CPED1: variants seen among roughly 807,000 people sequenced by gnomAD.
CPED1 encodes cadherin like and PC-esterase domain containing 1.
A neutral mutation model predicts 128.2 loss-of-function variants in CPED1; 114 were observed. That is an observed-to-expected ratio of 0.89 (90% CI 0.76 to 1.04). The LOEUF (loss-of-function observed/expected upper bound fraction) is 1.04, where lower values mean the gene tolerates loss of function less well. Ranked by LOEUF, CPED1 falls within the 50% of genes least tolerant of loss-of-function variation. The pLI is 0.00. For synonymous variants in CPED1, 462 were observed against 426.7 expected (o/e 1.08, Z -1.02); for missense variants, 1,211 against 1,207.1 (o/e 1.00, Z -0.05).
intron 3 of CPED1, among the ~76,000 whole-genome samples, chr7:121,037,464 T>C (rs1792925001): frequency 6.6e-6 from 1 of 152,192 alleles, no homozygotes; most frequent in African/African-American, 2.4e-5. Flanking sequence ...TTTGGGGTTA[T>C]TTCTGGGTTC....
intron 16 of CPED1, among the ~76,000 whole-genome samples, chr7:121,205,133 TATA>T (rs1202362796): frequency 6.6e-6 from 1 of 152,112 alleles, no homozygotes; most frequent in Non-Finnish European, 1.5e-5. Context: ...GTATAGTAAT[TATA>T]ATTTTTATTG....
At chr7:121,234,828 T>A (rs1798218085) in intron 16 of CPED1, among the ~76,000 whole-genome samples, 4 of 152,272 alleles carry the variant, frequency 2.6e-5, no homozygotes, top group African/African-American at 9.6e-5. Flanking sequence ...CGTGTGTATT[T>A]CAGATAGCAT....
At chr7:121,212,614 T>C (rs1463149730) in intron 16 of CPED1, among the ~76,000 whole-genome samples, 1 of 152,058 alleles carries the variant, frequency 6.6e-6, no homozygotes, top group Non-Finnish European at 1.5e-5. Context: ...ATATCTGTTT[T>C]CTCTTCTAGA....
At chr7:121,035,759 G>A (rs1405078546) in intron 3 of CPED1, among the ~76,000 whole-genome samples, 1 of 152,106 alleles carries the variant, frequency 6.6e-6, no homozygotes, top group Non-Finnish European at 1.5e-5. Flanking sequence ...CTTGAGTCCA[G>A]GAGGTCAAAG....
At chr7:121,289,952 T>G (rs1203663390) in intron 22 of CPED1, among the ~76,000 whole-genome samples, 1 of 152,132 alleles carries the variant, frequency 6.6e-6, no homozygotes, top group African/African-American at 2.4e-5. Context: ...GCTATTCCTC[T>G]CCTTTCCCCC....
intron 13 of CPED1, among the ~76,000 whole-genome samples, chr7:121,135,675 AAT>A (rs1795768275): frequency 1.3e-5 from 2 of 152,122 alleles, no homozygotes; most frequent in South Asian, 4.1e-4. Context: ...TTGAATTAAA[AAT>A]ATAGAGTAAA....
chr7:121,041,106 TA>T (rs1277574257), intron 3 of CPED1, among the ~76,000 whole-genome samples: 1 of 152,116 alleles, frequency 6.6e-6, no homozygotes, highest in Non-Finnish European at 1.5e-5. Flanking sequence ...ATTTCCTCTT[TA>T]AAAAACTAAT....
chr7:121,181,978 C>A (rs957444453), intron 16 of CPED1, among the ~76,000 whole-genome samples: 1 of 152,140 alleles, frequency 6.6e-6, no homozygotes, highest in East Asian at 1.9e-4. Context: ...TTAAAAGTCA[C>A]GTTTATTCCA....
intron 18 of CPED1, among the ~76,000 whole-genome samples, chr7:121,250,803 A>C (rs1334773167): frequency 6.6e-5 from 10 of 151,926 alleles, no homozygotes; most frequent in Admixed American, 5.3e-4. Context: ...CAATAACAGG[A>C]TCTGAAATTG....
At chr7:121,003,279 C>G (rs1487342405) in intron 2 of CPED1, among the ~76,000 whole-genome samples, 1 of 152,142 alleles carries the variant, frequency 6.6e-6, no homozygotes, top group African/African-American at 2.4e-5. Context: ...ATGATTTCCA[C>G]TTTAGACCTG....
intron 7 of CPED1, among the ~76,000 whole-genome samples, chr7:121,104,290 T>C (rs1477372443): frequency 6.6e-6 from 1 of 152,176 alleles, no homozygotes; most frequent in African/African-American, 2.4e-5. Context: ...CGAGTAAAAT[T>C]CTTTCACAAA....
chr7:121,014,644 G>A (rs111902791), intron 2 of CPED1, among the ~76,000 whole-genome samples: 2 of 151,850 alleles, frequency 1.3e-5, no homozygotes, highest in African/African-American at 4.8e-5. Flanking sequence ...TTTAAGTGCT[G>A]AAAATCATGG....
At chr7:121,109,753 T>A (rs1795060942) in intron 7 of CPED1, among the ~76,000 whole-genome samples, 1 of 152,196 alleles carries the variant, frequency 6.6e-6, no homozygotes, top group Non-Finnish European at 1.5e-5. Context: ...TTACTCAGAT[T>A]ATCTACATGA....
chr7:121,172,187 A>G (rs1194803085), intron 16 of CPED1, among the ~76,000 whole-genome samples: 2 of 152,138 alleles, frequency 1.3e-5, no homozygotes, highest in African/African-American at 4.8e-5. Flanking sequence ...ACCCCGGGAA[A>G]GGTTGTGCTG....
intron 16 of CPED1, among the ~76,000 whole-genome samples, chr7:121,212,672 A>G (rs958110064): frequency 1.4e-5 from 2 of 138,426 alleles, no homozygotes; most frequent in Non-Finnish European, 1.6e-5. Context: ...ATGTTAAACA[A>G]ATGTCTGTTA....
At chr7:121,157,907 G>C (rs1796327167) in intron 16 of CPED1, among the ~76,000 whole-genome samples, 1 of 152,048 alleles carries the variant, frequency 6.6e-6, no homozygotes, top group South Asian at 2.1e-4. Flanking sequence ...TTCTTCTTTA[G>C]AATATTCTTT....
intron 11 of CPED1, 80 bp downstream of exon 11, chr7:121,128,566 C>A: frequency 1.4e-6 from 1 of 727,988 alleles, no homozygotes; most frequent in South Asian, 1.6e-5. Flanking sequence ...ATTTTGACAT[C>A]AAACTAGATT....
chr7:121,089,616 T>C (rs951179618), intron 5 of CPED1, among the ~76,000 whole-genome samples: 70 of 152,198 alleles, frequency 4.6e-4, no homozygotes, highest in African/African-American at 1.6e-3. Context: ...TATTCTGACT[T>C]AAATTATTTC....
At chr7:121,053,175 C>T (rs534160090) in intron 4 of CPED1, among the ~76,000 whole-genome samples, 10 of 152,224 alleles carry the variant, frequency 6.6e-5, no homozygotes, top group South Asian at 4.2e-4. Flanking sequence ...TGGATACGAA[C>T]GGTTAACTCA....
Sources: allele counts gnomAD v4.1 joint callset (sites outside exome capture counted in the v4.1 genomes callset), GRCh38; gene constraint gnomAD v4.1.1; transcripts MANE v1.5; gene names NCBI Gene and HGNC (gene_info 2026-07-23, HGNC 2026-07-21).